Variants in KCNIP4 observed in about 807,000 individuals in gnomAD.
The protein encoded by KCNIP4 is potassium voltage-gated channel interacting protein 4, also known as Kv channel-interacting protein 4.
Under a neutral mutation model 34.0 loss-of-function variants are expected in KCNIP4, and 12 were observed. The observed-to-expected ratio is 0.35, with a 90% CI of 0.23 to 0.57. KCNIP4 has a LOEUF of 0.57. KCNIP4 is among the 20% of genes least tolerant of loss of function. The pLI is 0.83. For synonymous variants in KCNIP4, 124 were observed against 102.2 expected (o/e 1.21, Z -1.29); for missense variants, 238 against 311.7 (o/e 0.76, Z 1.78).
intron 1 of KCNIP4, among the ~76,000 whole-genome samples, chr4:21,595,694 T>C (rs1452411921): frequency 6.6e-6 from 1 of 152,054 alleles, no homozygotes; most frequent in Admixed American, 6.6e-5. Flanking sequence ...ATTGGCATGA[T>C]ACGGTATCTC....
chr4:21,282,631 AC>A (rs1360756112), intron 1 of KCNIP4, among the ~76,000 whole-genome samples: 12 of 152,356 alleles, frequency 7.9e-5, no homozygotes, highest in African/African-American at 2.9e-4. Flanking sequence ...CCAGTGTTTC[AC>A]AATATGTGTA....
intron 1 of KCNIP4, among the ~76,000 whole-genome samples, chr4:21,229,392 CT>C (rs544396169): frequency 2.2e-4 from 33 of 152,298 alleles, no homozygotes; most frequent in African/African-American, 7.0e-4. Flanking sequence ...AGGCACATCA[CT>C]TATCATCCAT....
chr4:21,676,801 T>C (rs1749940959), intron 1 of KCNIP4, among the ~76,000 whole-genome samples: 1 of 152,300 alleles, frequency 6.6e-6, no homozygotes, highest in East Asian at 1.9e-4. Context: ...CAAATTTATA[T>C]AACTGGACAT....
rs910933410 is a variant in KCNIP4 at position 20,994,649 on chromosome 4, G to A, written c.62-111940C>T. Among the ~76,000 whole-genome samples the A allele has an allele frequency of 5.3e-5, 8 of 152,188 alleles. No individual in the cohort carries two copies. The East Asian group carries it at 1.3e-3, about 26-fold the overall frequency. ...AGAACCCTACAGTACCCAGAACTGG[G>A]ATGTGTTCTTCCCACAAAGAATGTC... On this transcript the variant is annotated intron_variant, in intron 1 of 8. Coordinates refer to ENST00000382152, the MANE Select transcript of KCNIP4 (RefSeq NM_025221.6).
chr4:20,763,506 T>TA (rs928245651), intron 3 of KCNIP4, among the ~76,000 whole-genome samples: 6 of 152,148 alleles, frequency 3.9e-5, no homozygotes, highest in Non-Finnish European at 5.9e-5. Flanking sequence ...GGCCAGGTCT[T>TA]AAAGTGGTAT....
chr4:21,287,737 T>C (rs1387629615), intron 1 of KCNIP4, among the ~76,000 whole-genome samples: 2 of 152,202 alleles, frequency 1.3e-5, no homozygotes, highest in Non-Finnish European at 2.9e-5. Flanking sequence ...TGAGGACTTC[T>C]GAAACCTACA....
chr4:20,790,325 C>T (rs1199861324), intron 3 of KCNIP4, among the ~76,000 whole-genome samples: 2 of 152,106 alleles, frequency 1.3e-5, no homozygotes. Context: ...AGGCCTAGGA[C>T]ATTGCTGTAC....
intron 1 of KCNIP4, among the ~76,000 whole-genome samples, chr4:21,708,675 C>T (rs1713479226): frequency 6.6e-6 from 1 of 152,008 alleles, no homozygotes; most frequent in African/African-American, 2.4e-5. Context: ...CAAAACAAAT[C>T]ACAAGTGAGT....
intron 1 of KCNIP4, among the ~76,000 whole-genome samples, chr4:21,044,178 C>T (rs1742219980): frequency 6.6e-6 from 1 of 152,170 alleles, no homozygotes; most frequent in Non-Finnish European, 1.5e-5. Flanking sequence ...CTCTCATCTC[C>T]ACTACCATCT....
chr4:21,589,188 A>G (rs905932903), intron 1 of KCNIP4, among the ~76,000 whole-genome samples: 8,398 of 74,594 alleles, frequency 0.11, 743 homozygotes, highest in African/African-American at 0.23. Context: ...ATATATATAT[A>G]TATATATATA....
intron 1 of KCNIP4, among the ~76,000 whole-genome samples, chr4:21,921,881 T>C (rs1009697365): frequency 2.0e-5 from 3 of 152,134 alleles, no homozygotes; most frequent in African/African-American, 7.2e-5. Flanking sequence ...GTAAATTATA[T>C]CCCATCACTT....
intron 1 of KCNIP4, among the ~76,000 whole-genome samples, chr4:21,326,559 GT>G (rs376393876): frequency 2.7e-5 from 4 of 149,228 alleles, no homozygotes; most frequent in African/African-American, 4.9e-5. Context: ...ATTGGGTCTT[GT>G]TTTTTTGTTT....
At chr4:21,745,562 G>A (rs1399728143) in intron 1 of KCNIP4, among the ~76,000 whole-genome samples, 2 of 152,054 alleles carry the variant, frequency 1.3e-5, no homozygotes, top group Non-Finnish European at 2.9e-5. Context: ...TTGTGAGTCT[G>A]TACTCTCAAA....
chr4:21,720,013 A>AAAG (rs1714683577), intron 1 of KCNIP4, among the ~76,000 whole-genome samples: 1 of 131,234 alleles, frequency 7.6e-6, no homozygotes, highest in Non-Finnish European at 1.5e-5. Context: ...AAAGAAGAAG[A>AAAG]AGAAGGAGAA....
chr4:21,666,781 C>T (rs547632671), intron 1 of KCNIP4, among the ~76,000 whole-genome samples: 29 of 152,104 alleles, frequency 1.9e-4, no homozygotes, highest in Admixed American at 6.5e-5. Flanking sequence ...CTCTACATGT[C>T]CCTTCAAGTC....
At chr4:21,926,651 A>G (rs907154179) in intron 1 of KCNIP4, among the ~76,000 whole-genome samples, 1 of 152,200 alleles carries the variant, frequency 6.6e-6, no homozygotes, top group African/African-American at 2.4e-5. Flanking sequence ...CTGTCTTCCT[A>G]TAAGTCGAGC....
At chr4:21,445,687 G>A (rs1727919099) in intron 1 of KCNIP4, among the ~76,000 whole-genome samples, 1 of 152,216 alleles carries the variant, frequency 6.6e-6, no homozygotes, top group South Asian at 2.1e-4. Flanking sequence ...GAAAACCTAG[G>A]CAATACCATT....
At chr4:21,182,376 C>T (rs1196352017) in intron 1 of KCNIP4, among the ~76,000 whole-genome samples, 1 of 152,022 alleles carries the variant, frequency 6.6e-6, no homozygotes, top group Non-Finnish European at 1.5e-5. Flanking sequence ...CCAGACCATA[C>T]ATTTTCTTTT....
At chr4:21,486,991 G>T (rs980391305) in intron 1 of KCNIP4, among the ~76,000 whole-genome samples, 2 of 151,876 alleles carry the variant, frequency 1.3e-5, no homozygotes, top group African/African-American at 4.8e-5. Context: ...GGTAGATACA[G>T]GGTTTCACCA....
Sources: gnomAD v4.1 joint callset for allele counts (sites outside exome capture counted in the v4.1 genomes callset) on GRCh38, gnomAD v4.1.1 for gene constraint, MANE v1.5 for transcripts, NCBI Gene and HGNC (gene_info 2026-07-23, HGNC 2026-07-21) for gene names.